Variants in GSKIP observed in about 807,000 individuals in gnomAD.
GSKIP encodes the protein GSK3B-interacting protein.
GSKIP carries 5 observed loss-of-function variants against 11.9 expected under a neutral mutation model. The ratio of observed to expected loss-of-function variants is 0.42; its 90% CI spans 0.22 to 0.89. GSKIP has a LOEUF of 0.89. Ranked by LOEUF, GSKIP falls within the 40% of genes least tolerant of loss-of-function variation. The pLI is 0.29. For synonymous variants in GSKIP, 70 were observed against 62.9 expected, an observed-to-expected ratio of 1.11 and a Z score of -0.54; for missense variants, 150 against 166.6, an observed-to-expected ratio of 0.90 and a Z score of 0.55.
intron 1 of GSKIP, chr14:96,365,206 G>A (rs970156984): frequency 2.0e-5 from 3 of 151,870 alleles, no homozygotes; most frequent in Non-Finnish European, 4.4e-5. Context: ...AAAAACGAAA[G>A]CAATGTAAAG....
rs1889375844 is a variant in GSKIP, at chr14:96,382,524, T to C, written c.258+19T>C. On this transcript the variant is annotated intron_variant, in intron 3 of 3. Coordinates refer to ENST00000555181, the MANE Select transcript of GSKIP (RefSeq NM_016472.5). Reference sequence around the variant, plus strand: ...GCTCAAGGTAACTCACTTTTCCTTTTAGAAAAAAAAATTATTTATGTCTTT... The same window carrying C: ...GCTCAAGGTAACTCACTTTTCCTTTCAGAAAAAAAAATTATTTATGTCTTT... 6.4e-7 allele frequency: 1 copy of C among 1,567,986 alleles called. No individual in the cohort carries two copies. Among genetic ancestry groups the C allele is most frequent in the Non-Finnish European group, 8.7e-7 (1 of 1,155,288 alleles).
At chr14:96,381,223 C>G (rs1336142515) in intron 2 of GSKIP, among the ~76,000 whole-genome samples, 1 of 152,070 alleles carries the variant, frequency 6.6e-6, no homozygotes, top group Non-Finnish European at 1.5e-5. Flanking sequence ...ACCCCAGTTA[C>G]AGAAGAAAAG....
intron 1 of GSKIP, among the ~76,000 whole-genome samples, chr14:96,366,178 G>C (rs547048751): frequency 6.6e-6 from 1 of 152,178 alleles, no homozygotes; most frequent in South Asian, 2.1e-4. Context: ...AAAGGCAAAG[G>C]TGGGATCTTG....
intron 1 of GSKIP, chr14:96,364,712 A>G (rs1186985489): frequency 1.3e-5 from 2 of 152,192 alleles, no homozygotes; most frequent in African/African-American, 2.4e-5. Context: ...TCATTCAGAA[A>G]TATTTGTTAA....
intron 1 of GSKIP, chr14:96,379,031 A>C (rs1889275266): frequency 6.6e-6 from 1 of 152,426 alleles, no homozygotes; most frequent in Admixed American, 6.5e-5. Flanking sequence ...TAAAGTGACC[A>C]AGAAGTCCGG....
At chr14:96,368,390 G>T (rs1191564863) in intron 1 of GSKIP, among the ~76,000 whole-genome samples, 3 of 151,914 alleles carry the variant, frequency 2.0e-5, no homozygotes, top group Non-Finnish European at 4.4e-5. Flanking sequence ...TGCTGGTCTC[G>T]AACTCCTGGA....
chr14:96,372,320 G>A (rs1889069711), intron 1 of GSKIP, among the ~76,000 whole-genome samples: 1 of 152,112 alleles, frequency 6.6e-6, no homozygotes, highest in Non-Finnish European at 1.5e-5. Flanking sequence ...GTATATCACA[G>A]GCTCCCATCT....
intron 1 of GSKIP, among the ~76,000 whole-genome samples, chr14:96,368,620 G>T (rs974909494): frequency 2.6e-5 from 4 of 152,202 alleles, no homozygotes; most frequent in Non-Finnish European, 5.9e-5. Context: ...GATCCCTGGT[G>T]TTAGAGGTGA....
At chr14:96,379,925 A>G (rs1889301792) in intron 2 of GSKIP, 137 bp downstream of exon 2, 1 of 152,222 alleles carries the variant, frequency 6.6e-6, no homozygotes, top group Admixed American at 6.5e-5. Flanking sequence ...CTTAAGCAAA[A>G]TTAAGATGTT....
Position 96,383,736 on chromosome 14 carries a change from C to G in GSKIP, c.258+1231C>G, listed in dbSNP as rs145530008. Among the ~76,000 whole-genome samples, 614 of 152,360 alleles carry G rather than the reference C, an allele frequency of 4.0e-3. 22 individuals are homozygous for G. In the South Asian group the frequency reaches 0.059, roughly 15 times the overall value. On this transcript the variant is annotated intron_variant, in intron 3 of 3. Coordinates refer to ENST00000555181, the MANE Select transcript of GSKIP (RefSeq NM_016472.5). ...ATCTGTACTACCCTCAGTTCCCTCA[C>G]AGCTGCTGCAAAGATAGCTGCTTAG...
chr14:96,372,918 G>A (rs942543533), intron 1 of GSKIP, among the ~76,000 whole-genome samples: 2 of 152,114 alleles, frequency 1.3e-5, no homozygotes, highest in African/African-American at 4.8e-5. Context: ...CCTAGGCTGG[G>A]GAAAGAACTA....
intron 2 of GSKIP, 143 bp from the exon 3 acceptor site, chr14:96,382,104 T>G (rs960254296): frequency 6.0e-5 from 32 of 532,844 alleles, no homozygotes; most frequent in Middle Eastern, 9.8e-4. Flanking sequence ...GAAATGTTTT[T>G]AGATAGTATT....
chr14:96,368,726 T>C (rs1888966756), intron 1 of GSKIP, among the ~76,000 whole-genome samples: 1 of 152,062 alleles, frequency 6.6e-6, no homozygotes, highest in African/African-American at 2.4e-5. Context: ...CCCTCTCCCC[T>C]ACTCCCTCTT....
intron 3 of GSKIP, among the ~76,000 whole-genome samples, chr14:96,383,995 T>A (rs925919799): frequency 1.3e-5 from 2 of 152,142 alleles, no homozygotes. Context: ...TAAGTGATCT[T>A]GAGTGAGTCC....
At chr14:96,382,656 T>A (rs1328533654) in intron 3 of GSKIP, 151 bp downstream of exon 3, 1 of 480,462 alleles carries the variant, frequency 2.1e-6, no homozygotes, top group Non-Finnish European at 3.5e-6. Context: ...AACCTAGAAA[T>A]TTTTATTAAT....
intron 1 of GSKIP, chr14:96,365,096 C>G (rs1324375889): frequency 6.6e-6 from 1 of 151,922 alleles, no homozygotes; most frequent in Non-Finnish European, 1.5e-5. Context: ...CAGCAGTGAA[C>G]AGATAAATCT....
At chr14:96,379,424 C>G (rs768881998) in intron 1 of GSKIP, among the ~76,000 whole-genome samples, 1 of 152,116 alleles carries the variant, frequency 6.6e-6, no homozygotes, top group Non-Finnish European at 1.5e-5. Flanking sequence ...GGGAAGGGAG[C>G]ATTATGGTTG....
chr14:96,375,808 C>A lies in GSKIP; in HGVS notation c.-102-3880C>A, dbSNP rs781026314. Among the ~76,000 whole-genome samples, 17 of 152,260 alleles carry A rather than the reference C, an allele frequency of 1.1e-4. No homozygotes were observed. In the South Asian group the frequency reaches 1.9e-3, roughly 17 times the overall value. ...TCACATTTGGAGAGGGCCTTCTTGG[C>A]GGTGGGGACTCTGCAGAGTCCTGAG... On this transcript the variant is annotated intron_variant, in intron 1 of 3. Coordinates refer to ENST00000555181, the MANE Select transcript of GSKIP (RefSeq NM_016472.5).
At chr14:96,365,028 A>G (rs557699713) in intron 1 of GSKIP, 3 of 152,154 alleles carry the variant, frequency 2.0e-5, no homozygotes, top group East Asian at 3.9e-4. Flanking sequence ...TCATTTATTC[A>G]GTAAATATTT....
Sources: gnomAD v4.1 joint callset for allele counts (sites outside exome capture counted in the v4.1 genomes callset) on GRCh38, gnomAD v4.1.1 for gene constraint, MANE v1.5 for transcripts, NCBI Gene and HGNC (gene_info 2026-07-23, HGNC 2026-07-21) for gene names.